The following TNR variants were observed in gnomAD, a reference collection of about 807,000 sequenced individuals.
The protein encoded by TNR is tenascin R, also known as tenascin-R.
A neutral mutation model predicts 150.4 loss-of-function variants in TNR; 45 were observed. The observed-to-expected ratio is 0.30, with a 90% CI of 0.24 to 0.38. TNR has a LOEUF of 0.38. Ranked by LOEUF, TNR falls within the 10% of genes least tolerant of loss-of-function variation. TNR has a pLI of 1.00. For synonymous variants in TNR, 687 were observed against 678.4 expected (o/e 1.01, Z -0.20); for missense variants, 1,544 against 1,759.1 (o/e 0.88, Z 2.19).
chr1:175,581,237 T>C (rs1662337019), intron 1 of TNR, among the ~76,000 whole-genome samples: 1 of 152,194 alleles, frequency 6.6e-6, no homozygotes, highest in Admixed American at 6.5e-5. Flanking sequence ...CTACCCAGTG[T>C]CTTTTCCTCC....
At chr1:175,713,386 A>AT (rs939663350) in intron 1 of TNR, among the ~76,000 whole-genome samples, 3 of 151,400 alleles carry the variant, frequency 2.0e-5, no homozygotes, top group Admixed American at 6.6e-5. Context: ...CTTGCAGAAG[A>AT]TTTTTTTTTC....
chr1:175,517,173 C>A (rs558140790), intron 2 of TNR, among the ~76,000 whole-genome samples: 1 of 152,136 alleles, frequency 6.6e-6, no homozygotes, highest in African/African-American at 2.4e-5. Context: ...TTTCCCCTAC[C>A]TCCCCCCAAC....
intron 22 of TNR, among the ~76,000 whole-genome samples, chr1:175,323,921 G>T (rs1428934817): frequency 6.6e-6 from 1 of 152,156 alleles, no homozygotes; most frequent in Non-Finnish European, 1.5e-5. Flanking sequence ...CTGTTTCAGT[G>T]TTAACACTTA....
chr1:175,656,141 A>AGTGTGTGTGTGTGTGTGTGT (rs575020723), intron 1 of TNR, among the ~76,000 whole-genome samples: 3 of 123,828 alleles, frequency 2.4e-5, no homozygotes, highest in Admixed American at 8.0e-5. Context: ...GGAAGGTTGA[A>AGTGTGTGTGTGTGTGTGTGT]GTGTGTGTGT....
At chr1:175,651,512 A>C (rs1268770123) in intron 1 of TNR, among the ~76,000 whole-genome samples, 2 of 152,246 alleles carry the variant, frequency 1.3e-5, no homozygotes, top group South Asian at 2.1e-4. Flanking sequence ...CTGGAAAAAA[A>C]CCCAGATAAA....
chr1:175,531,840 T>G (rs539482031), intron 1 of TNR, among the ~76,000 whole-genome samples: 1 of 152,252 alleles, frequency 6.6e-6, no homozygotes, highest in Admixed American at 6.5e-5. Context: ...AGTTCAGCCA[T>G]CAGAGGGGAT....
intron 2 of TNR, among the ~76,000 whole-genome samples, chr1:175,476,381 C>A (rs751337935): frequency 5.9e-5 from 9 of 152,168 alleles, no homozygotes; most frequent in Non-Finnish European, 1.0e-4. Context: ...GAATGCTGCC[C>A]AGACTTCCAT....
intron 1 of TNR, among the ~76,000 whole-genome samples, chr1:175,670,431 G>T (rs747929397): frequency 2.0e-5 from 3 of 152,212 alleles, no homozygotes; most frequent in Non-Finnish European, 4.4e-5. Context: ...AGGAAAAAAA[G>T]CATTTTAATC....
intron 1 of TNR, among the ~76,000 whole-genome samples, chr1:175,662,377 C>T (rs989544921): frequency 1.3e-5 from 2 of 152,010 alleles, no homozygotes; most frequent in African/African-American, 4.8e-5. Flanking sequence ...TTCCTGTATC[C>T]CTGAGCAGCC....
intron 1 of TNR, among the ~76,000 whole-genome samples, chr1:175,560,892 T>G (rs1661399946): frequency 6.6e-6 from 1 of 152,220 alleles, no homozygotes; most frequent in Admixed American, 6.5e-5. Context: ...AGTTTGAGTT[T>G]CAAGATTATT....
chr1:175,353,851 A>ATTTATTTATTT (rs111708916), intron 18 of TNR, among the ~76,000 whole-genome samples: 1 of 146,138 alleles, frequency 6.8e-6, no homozygotes. Flanking sequence ...ATTTTTATTT[A>ATTTATTTATTT]TTTTTTTTTT....
chr1:175,478,257 C>T (rs960150196), intron 2 of TNR, among the ~76,000 whole-genome samples: 1 of 152,182 alleles, frequency 6.6e-6, no homozygotes, highest in African/African-American at 2.4e-5. Context: ...CACCAACTTT[C>T]AATATGTGTG....
At chr1:175,473,283 G>T (rs572407328) in intron 2 of TNR, among the ~76,000 whole-genome samples, 4 of 152,234 alleles carry the variant, frequency 2.6e-5, no homozygotes, top group African/African-American at 9.6e-5. Context: ...TTAAGCTTCT[G>T]GTTTCTGTTC....
chr1:175,549,621 A>G (rs188529520), intron 1 of TNR, among the ~76,000 whole-genome samples: 120 of 152,334 alleles, frequency 7.9e-4, no homozygotes, highest in African/African-American at 2.8e-3. Context: ...TGAGAACTTT[A>G]AAAGCCTTAC....
chr1:175,335,774 A>C lies in TNR; in HGVS notation c.3568T>G (p.Phe1190Val). ...CGGTAATCAGCCCATTTCCGGAAAA[A>C]ATCAGTTTGGCCATTCTGCCGCCTC... ...FQRRQNGQTD[F>V]FRKWADYRVG... The change falls in exon 20 of 23, where the codon TTT becomes GTT. Residue 1190 changes from phenylalanine (F) to valine (V), a missense_variant. Physicochemically the swap from Phe to Val is conservative, Grantham distance 50 (BLOSUM62 -1). Around this residue, in one of 2 missense-constraint regions of TNR, gnomAD observed 290 missense variants for 429.7 expected, o/e 0.67. Coordinates refer to ENST00000367674, the MANE Select transcript of TNR (RefSeq NM_003285.3). 1.2e-6 allele frequency: 2 copies of C among 1,614,180 alleles called. No individual in the cohort carries two copies. Among genetic ancestry groups the C allele is most frequent in the Non-Finnish European group, 1.7e-6 (2 of 1,180,020 alleles).
chr1:175,528,016 C>T (rs750613880), intron 2 of TNR, among the ~76,000 whole-genome samples: 1 of 152,184 alleles, frequency 6.6e-6, no homozygotes, highest in African/African-American at 2.4e-5. Flanking sequence ...TCATTACCAA[C>T]CGCATCATGA....
At chr1:175,427,782 C>G (rs1322962841) in intron 2 of TNR, among the ~76,000 whole-genome samples, 1 of 130,532 alleles carries the variant, frequency 7.7e-6, no homozygotes, top group Non-Finnish European at 1.6e-5. Flanking sequence ...CTCTTTCTTT[C>G]CCTTTCTTCC....
chr1:175,331,099 TTCTC>T (rs202149296), intron 20 of TNR, among the ~76,000 whole-genome samples: 1,953 of 106,472 alleles, frequency 0.018, 128 homozygotes, highest in Non-Finnish European at 0.023. Context: ...CTTTCTTTCT[TTCTC>T]TCTCTCTTTC....
intron 1 of TNR, among the ~76,000 whole-genome samples, chr1:175,650,725 T>A (rs920358113): frequency 3.0e-5 from 1 of 32,986 alleles, no homozygotes; most frequent in African/African-American, 1.2e-4. Flanking sequence ...CCCCTACCCC[T>A]CCCCGCCTCA....
Sources: allele counts gnomAD v4.1 joint callset (sites outside exome capture counted in the v4.1 genomes callset), GRCh38; gene constraint gnomAD v4.1.1; regional missense constraint gnomAD v4.1.1; transcripts MANE v1.5; gene names NCBI Gene and HGNC (gene_info 2026-07-23, HGNC 2026-07-21).